MCC: variants seen among roughly 807,000 people sequenced by gnomAD.
The protein encoded by MCC is colorectal mutant cancer protein.
Under a neutral mutation model 116.2 loss-of-function variants are expected in MCC, and 90 were observed. That is an observed-to-expected ratio of 0.77 (90% confidence interval 0.65 to 0.92). The LOEUF (loss-of-function observed/expected upper bound fraction) is 0.92. Ranked by LOEUF, MCC falls within the 40% of genes least tolerant of loss-of-function variation. The pLI is 0.00. For missense variants in MCC, 1,516 were observed against 1,312.2 expected (o/e 1.16, Z -2.40); for synonymous variants, 578 against 510.5 (o/e 1.13, Z -1.78).
chr5:113,242,380 A>G (rs1298602482), intron 3 of MCC, among the ~76,000 whole-genome samples: 2 of 152,202 alleles, frequency 1.3e-5, no homozygotes, highest in African/African-American at 2.4e-5. Flanking sequence ...GGAACAGCCA[A>G]TATAGAAGCT....
chr5:113,089,507 A>G (rs1164894518), intron 8 of MCC, among the ~76,000 whole-genome samples: 42 of 152,348 alleles, frequency 2.8e-4, no homozygotes, highest in Non-Finnish European at 2.9e-5. Context: ...GGAAATTATG[A>G]GGGCTCAAAT....
At chr5:113,294,958 A>C (rs1400429440) in intron 3 of MCC, 2 of 985,404 alleles carry the variant, frequency 2.0e-6, no homozygotes, top group Non-Finnish European at 2.4e-6. Context: ...CTGATTGAAC[A>C]CAGCTGTCTA....
At chr5:113,033,403 C>G (rs1162087599) in intron 17 of MCC, among the ~76,000 whole-genome samples, 1 of 152,184 alleles carries the variant, frequency 6.6e-6, no homozygotes. Context: ...TACAGTTTTC[C>G]TCAGATTTTC....
At chr5:113,063,780 T>G (rs55713455) in intron 14 of MCC, among the ~76,000 whole-genome samples, 1 of 152,204 alleles carries the variant, frequency 6.6e-6, no homozygotes, top group Non-Finnish European at 1.5e-5. Flanking sequence ...AGTTTCCACA[T>G]TGGCAAAGTG....
intron 3 of MCC, among the ~76,000 whole-genome samples, chr5:113,241,998 C>T (rs550290011): frequency 1.1e-4 from 17 of 152,278 alleles, no homozygotes; most frequent in Admixed American, 3.3e-4. Flanking sequence ...GAATAGAGAA[C>T]GACCAAATCA....
intron 11 of MCC, among the ~76,000 whole-genome samples, chr5:113,081,208 G>C (rs1487433467): frequency 6.6e-6 from 1 of 152,178 alleles, no homozygotes; most frequent in African/African-American, 2.4e-5. Context: ...CCAGGTTCCC[G>C]CAGCAGCTAG....
At chr5:113,168,996 G>A (rs960730832) in intron 3 of MCC, among the ~76,000 whole-genome samples, 1 of 152,154 alleles carries the variant, frequency 6.6e-6, no homozygotes, top group African/African-American at 2.4e-5. Context: ...CTAAGCAAAC[G>A]GCTTTAAGAC....
intron 3 of MCC, among the ~76,000 whole-genome samples, chr5:113,172,569 A>C (rs571946721): frequency 6.6e-6 from 1 of 152,230 alleles, no homozygotes; most frequent in African/African-American, 2.4e-5. Context: ...ACACTTTGAC[A>C]TAACACAGAA....
chr5:113,393,632 G>A (rs1769455481), intron 1 of MCC, among the ~76,000 whole-genome samples: 1 of 152,194 alleles, frequency 6.6e-6, no homozygotes, highest in South Asian at 2.1e-4. Context: ...AGCAGTGTCT[G>A]AGCTGCTCAC....
chr5:113,183,137 G>A (rs1180266049), intron 3 of MCC, among the ~76,000 whole-genome samples: 1 of 152,092 alleles, frequency 6.6e-6, no homozygotes, highest in Non-Finnish European at 1.5e-5. Context: ...TCACGCAGTG[G>A]GGGCTCCAGA....
intron 6 of MCC, among the ~76,000 whole-genome samples, chr5:113,112,721 C>CACAGTGCTGGGCATGTCCCAGAGACTT (rs775572761): frequency 6.6e-6 from 1 of 152,166 alleles, no homozygotes; most frequent in Non-Finnish European, 1.5e-5. Context: ...TCCAGAGACT[C>CACAGTGCTGGGCATGTCCCAGAGACTT]ACAGTGCTGG....
chr5:113,056,160 G>A (rs146791500), intron 14 of MCC, among the ~76,000 whole-genome samples: 634 of 152,288 alleles, frequency 4.2e-3, no homozygotes, highest in Non-Finnish European at 7.2e-3. Context: ...AGAGCAAAGT[G>A]CTACCTTTAC....
intron 3 of MCC, among the ~76,000 whole-genome samples, chr5:113,205,812 C>G (rs775531147): frequency 2.0e-5 from 3 of 152,134 alleles, no homozygotes; most frequent in Non-Finnish European, 4.4e-5. Flanking sequence ...GAGCATTCTC[C>G]CAAGTAAGAT....
At chr5:113,196,818 G>A (rs544039283) in intron 3 of MCC, among the ~76,000 whole-genome samples, 1 of 152,276 alleles carries the variant, frequency 6.6e-6, no homozygotes, top group South Asian at 2.1e-4. Context: ...CAGCTTGGGT[G>A]ACAGAACAAG....
At chr5:113,032,348 C>T (rs1242345437) in intron 17 of MCC, among the ~76,000 whole-genome samples, 1 of 141,632 alleles carries the variant, frequency 7.1e-6, no homozygotes, top group African/African-American at 2.7e-5. Flanking sequence ...GTGGAGGTTG[C>T]AGTAAGCCGA....
At chr5:113,332,114 A>AG (rs1554076717) in intron 3 of MCC, among the ~76,000 whole-genome samples, 7 of 151,668 alleles carry the variant, frequency 4.6e-5, no homozygotes, top group Non-Finnish European at 2.9e-5. Flanking sequence ...TTTCTTTAGA[A>AG]TTTTTTTAGT....
intron 3 of MCC, among the ~76,000 whole-genome samples, chr5:113,199,722 A>G (rs749937111): frequency 6.6e-6 from 1 of 152,286 alleles, no homozygotes. Context: ...TTATTCCCCA[A>G]TGACTGCCAG....
At chr5:113,307,292 T>C (rs910016451) in intron 3 of MCC, among the ~76,000 whole-genome samples, 2 of 152,248 alleles carry the variant, frequency 1.3e-5, no homozygotes, top group Admixed American at 1.3e-4. Flanking sequence ...ATAGGTGTCT[T>C]TTCGTTTACT....
chr5:113,409,634 G>GTAATGTAATTA (rs1769926648), intron 1 of MCC, among the ~76,000 whole-genome samples: 1 of 152,174 alleles, frequency 6.6e-6, no homozygotes, highest in Non-Finnish European at 1.5e-5. Context: ...TTACAGGCAT[G>GTAATGTAATTA]AGCCAGTGTG....
Sources: allele counts gnomAD v4.1 joint callset (sites outside exome capture counted in the v4.1 genomes callset), GRCh38; gene constraint gnomAD v4.1.1; transcripts MANE v1.5; gene names NCBI Gene and HGNC (gene_info 2026-07-23, HGNC 2026-07-21).